BDKRB2: variants seen among roughly 807,000 people sequenced by gnomAD.
BDKRB2 encodes the protein B2 bradykinin receptor.
BDKRB2 carries 6 observed loss-of-function variants against 4.0 expected under a neutral mutation model. That is an observed-to-expected ratio of 1.49 (90% CI 0.81 to 2.93). The LOEUF (loss-of-function observed/expected upper bound fraction) is 2.93, where lower values mean the gene tolerates loss of function less well. BDKRB2 is among the 30% of genes most tolerant of loss of function. The probability of loss-of-function intolerance (pLI) is 0.00; values close to 1 mark genes in which losing one functional copy is unlikely to be tolerated. For missense variants in BDKRB2, 478 were observed against 520.1 expected, an observed-to-expected ratio of 0.92 and a Z score of 0.79; for synonymous variants, 225 against 215.3, an observed-to-expected ratio of 1.05 and a Z score of -0.40.
chr14:96,214,099 C>T (rs1402164801), intron 1 of BDKRB2, among the ~76,000 whole-genome samples: 2 of 152,146 alleles, frequency 1.3e-5, no homozygotes, highest in East Asian at 3.9e-4. Flanking sequence ...TCCAAAAGCC[C>T]CAGTCAGAGC....
chr14:96,222,166 A>C (rs920293331), intron 1 of BDKRB2, among the ~76,000 whole-genome samples: 46 of 152,090 alleles, frequency 3.0e-4, no homozygotes, highest in Admixed American at 2.9e-3. Flanking sequence ...TTATAATAAA[A>C]GACACCACTC....
chr14:96,220,825 T>C (rs1240287086), intron 1 of BDKRB2, among the ~76,000 whole-genome samples: 1 of 152,042 alleles, frequency 6.6e-6, no homozygotes, highest in Non-Finnish European at 1.5e-5. Flanking sequence ...AGAGCGTATA[T>C]GAGAGGGATG....
intron 2 of BDKRB2, chr14:96,237,921 C>G: frequency 8.1e-7 from 1 of 1,240,472 alleles, no homozygotes; most frequent in Non-Finnish European, 1.0e-6. Context: ...ACTTTGGTCT[C>G]TAGTGAGTTA....
At chr14:96,205,678 T>C (rs1157364080) in intron 1 of BDKRB2, among the ~76,000 whole-genome samples, 1 of 152,212 alleles carries the variant, frequency 6.6e-6, no homozygotes, top group Non-Finnish European at 1.5e-5. Flanking sequence ...GCTCTCACCC[T>C]GTGGGTGACG....
intron 1 of BDKRB2, chr14:96,211,244 T>C (rs1890295132): frequency 6.6e-6 from 1 of 152,250 alleles, no homozygotes; most frequent in Non-Finnish European, 1.5e-5. Flanking sequence ...TGCTGTGCTC[T>C]AAGAGTGCAG....
intron 1 of BDKRB2, chr14:96,210,959 TCTGGCAC>T (rs1255619348): frequency 6.6e-6 from 1 of 152,358 alleles, no homozygotes; most frequent in Non-Finnish European, 1.5e-5. Context: ...TTCTTCACTC[TCTGGCAC>T]CTGTGCTCAT....
chr14:96,213,775 A>G (rs1338480674), intron 1 of BDKRB2, among the ~76,000 whole-genome samples: 1 of 151,722 alleles, frequency 6.6e-6, no homozygotes, highest in East Asian at 1.9e-4. Context: ...CAAAACAATC[A>G]CAAGTATCCC....
At position 96,226,010 on chromosome 14, in the gene BDKRB2, C is replaced by A. The variant is rs544181006; in HGVS notation, c.-39-11059C>A. Among the ~76,000 whole-genome samples, 20 of 152,316 alleles carry A rather than the reference C, an allele frequency of 1.3e-4. No homozygotes were observed. The East Asian group carries it at 3.9e-3, about 29-fold the overall frequency. ...CAGCCTTCCTGGACACACCCAGCTA[C>A]GGCTCACTTCCCAGCCTGAGCTGTT... On this transcript the variant is annotated intron_variant, in intron 1 of 2. Coordinates refer to ENST00000554311, the MANE Select transcript of BDKRB2 (RefSeq NM_001379692.1).
At position 96,218,923 on chromosome 14, in the gene BDKRB2, AAAAC is replaced by A. The variant is rs550235215; in HGVS notation, c.-40+13973_-40+13976del. 7.1e-4 allele frequency among the ~76,000 whole-genome samples: 108 copies of A among 151,850 alleles called. 1 individual carries two copies. The highest frequency in any genetic ancestry group is 1.6e-3 in the Admixed American group (24 of 15,262). ...GACAGAGCGAGACCCCATTTCAAAA[AAAAC>A]AAACAAACGAACCAAAACAAATAAA... is the stretch of plus-strand genomic sequence containing the variant. On this transcript the variant is annotated intron_variant, in intron 1 of 2. Coordinates refer to ENST00000554311, the MANE Select transcript of BDKRB2 (RefSeq NM_001379692.1).
chr14:96,239,471 G>A lies in BDKRB2; in HGVS notation c.75-932G>A, dbSNP rs938505098. The A allele has an allele frequency of 9.1e-6, 9 of 985,286 alleles. No homozygotes were observed. In the African/African-American group the frequency reaches 1.4e-4, roughly 15 times the overall value. 61.0% of individuals were successfully genotyped at this position (985,286 alleles called of 1,614,324 possible). A position where few individuals can be genotyped will look rare whatever the true frequency, so the allele number is the denominator to read the frequency against. On this transcript the variant is annotated intron_variant, in intron 2 of 2. Transcript: ENST00000554311. Reference sequence around the variant, plus strand: ...AGTCTAGAAAGGTGCCTGCCCTATGGTCTGTGAGTCTTGCCTAAGAATGAA... The same window carrying A: ...AGTCTAGAAAGGTGCCTGCCCTATGATCTGTGAGTCTTGCCTAAGAATGAA...
intron 1 of BDKRB2, among the ~76,000 whole-genome samples, chr14:96,228,940 C>T (rs990721725): frequency 7.9e-5 from 12 of 152,204 alleles, no homozygotes; most frequent in African/African-American, 2.7e-4. Flanking sequence ...CAGGTTGCCT[C>T]GCTGACTCTG....
At chr14:96,238,887 G>A (rs885820) in intron 2 of BDKRB2, 78,399 of 986,510 alleles carry the variant, frequency 0.079, 3,298 homozygotes, top group Non-Finnish European at 0.087. Context: ...GGCAGGGGCC[G>A]GGTGGTGTCT....
chr14:96,228,322 G>T (rs1192062991), intron 1 of BDKRB2, among the ~76,000 whole-genome samples: 2 of 152,242 alleles, frequency 1.3e-5, no homozygotes, highest in African/African-American at 4.8e-5. Context: ...ACTCAGTGGA[G>T]AGTGAGGGTG....
intron 1 of BDKRB2, among the ~76,000 whole-genome samples, chr14:96,211,319 T>C (rs1890297271): frequency 6.6e-6 from 1 of 152,206 alleles, no homozygotes; most frequent in Admixed American, 6.5e-5. Flanking sequence ...AGATTGCACC[T>C]TGTGCATGCG....
intron 1 of BDKRB2, among the ~76,000 whole-genome samples, chr14:96,234,328 A>T (rs962263966): frequency 6.6e-6 from 1 of 152,196 alleles, no homozygotes; most frequent in Non-Finnish European, 1.5e-5. Context: ...TGATAAAAGC[A>T]GTGAACTCTG....
At chr14:96,214,349 G>A (rs1378821260) in intron 1 of BDKRB2, among the ~76,000 whole-genome samples, 1 of 152,184 alleles carries the variant, frequency 6.6e-6, no homozygotes, top group Non-Finnish European at 1.5e-5. Context: ...GGAAAGAGGA[G>A]GCGACTGTCA....
At chr14:96,224,564 A>G (rs906233313) in intron 1 of BDKRB2, among the ~76,000 whole-genome samples, 44 of 152,300 alleles carry the variant, frequency 2.9e-4, no homozygotes, top group African/African-American at 1.1e-3. Context: ...CCAAGAGGTT[A>G]AGTCACCTGC....
At position 96,242,496 on chromosome 14, in the gene BDKRB2, T is replaced by A. The variant is rs1026688493; in HGVS notation, c.*992T>A. On this transcript the variant is annotated 3_prime_UTR_variant, in exon 3 of 3. Coordinates refer to ENST00000554311, the MANE Select transcript of BDKRB2 (RefSeq NM_001379692.1). ...TTACTATAAGGAAAAGACACTGAGG[T>A]CTAGAAATAGCTCCGTGGAGCAGAA... 6.6e-6 allele frequency: 1 copy of A among 152,222 alleles called. No homozygotes were observed. The highest frequency in any genetic ancestry group is 1.5e-5 in the Non-Finnish European group (1 of 68,050). 9.4% of individuals were successfully genotyped at this position (152,222 alleles called of 1,614,324 possible).
At chr14:96,214,711 A>C (rs899699656) in intron 1 of BDKRB2, 3 of 152,278 alleles carry the variant, frequency 2.0e-5, no homozygotes, top group Non-Finnish European at 4.4e-5. Flanking sequence ...GCCCTCACCT[A>C]TGCAATGGTG....
Sources: gnomAD v4.1 joint callset for allele counts (sites outside exome capture counted in the v4.1 genomes callset) on GRCh38, gnomAD v4.1.1 for gene constraint, MANE v1.5 for transcripts, NCBI Gene and HGNC (gene_info 2026-07-23, HGNC 2026-07-21) for gene names.